The following HARS1 variants were observed in gnomAD, a reference collection of about 807,000 sequenced individuals.
The protein encoded by HARS1 is histidine--tRNA ligase, cytoplasmic.
A neutral mutation model predicts 63.6 loss-of-function variants in HARS1; 45 were observed. The observed-to-expected ratio is 0.71, with a 90% CI of 0.56 to 0.91. The LOEUF (loss-of-function observed/expected upper bound fraction) is 0.91, where lower values mean the gene tolerates loss of function less well. HARS1 is among the 40% of genes least tolerant of loss of function. The pLI is 0.00. For missense variants in HARS1, 508 were observed against 643.2 expected, an observed-to-expected ratio of 0.79 and a Z score of 2.27; for synonymous variants, 205 against 247.1, an observed-to-expected ratio of 0.83 and a Z score of 1.60.
In HARS1 at chr5:140,676,854, T is replaced by C. The variant is rs1204082121; in HGVS notation, c.994A>G (p.Thr332Ala). 1.9e-6 allele frequency: 3 copies of C among 1,613,980 alleles called. No homozygotes were observed. The highest frequency in any genetic ancestry group is 2.5e-6 in the Non-Finnish European group (3 of 1,179,968). ...AGCACTGCCTCATAGATCACCCCAGTGTAGTAATCCAGCCCTCGAGCAAGG... is the reference window on the plus strand; with the variant it reads ...AGCACTGCCTCATAGATCACCCCAGCGTAGTAATCCAGCCCTCGAGCAAGG... ...LSLARGLDYY[T>A]GVIYEAVLLQ... Residue 332 changes from threonine (T) to alanine (A), a missense_variant, in exon 10 of 13, where the codon ACT (threonine) becomes GCT (alanine). Coordinates refer to ENST00000504156, the MANE Select transcript of HARS1 (RefSeq NM_002109.6). This position sits in a 1 kb window ranked among gnomAD's most constrained non-coding sequence, Gnocchi z 4.1.
intron 3 of HARS1, among the ~76,000 whole-genome samples, chr5:140,680,383 G>C (rs1215647955): frequency 6.6e-6 from 1 of 151,898 alleles, no homozygotes; most frequent in Non-Finnish European, 1.5e-5. Flanking sequence ...TTGACCTCGT[G>C]ATCTGCCCGC....
At position 140,676,882 on chromosome 5, in the gene HARS1, CA is replaced by C. The variant is rs774824253; in HGVS notation, c.965del (p.Leu322ArgfsTer13). ...AGTAATCCAGCCCTCGAGCAAGGCT[CA>C]GGTCAAAGGAGATCTGTGGAGATAA... ...FGIDDKISFD[L>X]SLARGLDYYT... On this transcript the variant is annotated frameshift_variant, in exon 10 of 13. Transcript: ENST00000504156. LOFTEE classifies it high-confidence loss of function. This position sits in a 1 kb window ranked among gnomAD's most constrained non-coding sequence, Gnocchi z 4.1. The C allele has an allele frequency of 1.4e-5, 23 of 1,613,652 alleles. No homozygotes were observed. Among genetic ancestry groups the C allele is most frequent in the Non-Finnish European group, 1.7e-5 (20 of 1,179,700 alleles).
rs994524865 is a variant in HARS1, at chr5:140,679,616, C to G, written c.396+172G>C. 11 of 523,868 alleles carry G rather than the reference C, an allele frequency of 2.1e-5. No homozygotes were observed. The highest frequency in any genetic ancestry group is 1.8e-4 in the African/African-American group (9 of 50,726). 32.5% of individuals were successfully genotyped at this position (523,868 alleles called of 1,614,324 possible). On this transcript the variant is annotated intron_variant, in intron 4 of 12. Coordinates refer to ENST00000504156, the MANE Select transcript of HARS1 (RefSeq NM_002109.6). The surrounding 1 kb of genome is among the most constrained non-coding windows in gnomAD (Gnocchi z 4.3). Reference sequence around the variant, plus strand: ...GTCTCACTCAGGATTCAGAAGATTTCTAAGGATGTGTATGCTCTGTTTAGC... The same window carrying G: ...GTCTCACTCAGGATTCAGAAGATTTGTAAGGATGTGTATGCTCTGTTTAGC...
Position 140,674,324 on chromosome 5 carries a change from T to A in HARS1, c.1463A>T (p.Asp488Val), listed in dbSNP as rs749788434. ...CTCCACAAGGTCTTCTCTTCGGACA[T>A]CCACCTGGCCAGGATGGGAGAAGAA... ...LRSVTSREEV[D>V]VRREDLVEEI... is the part of the protein sequence containing the mutation. Residue 488 changes from aspartate to valine, a missense_variant, in exon 13 of 13, where the codon GAT becomes GTT. By Grantham distance (152) the Asp-to-Val change is radical. Around this residue, in one of 2 missense-constraint regions of HARS1, gnomAD observed 403 missense variants for 548.7 expected, o/e 0.73. Transcript: ENST00000504156. 4 of 1,608,904 alleles carry A rather than the reference T, an allele frequency of 2.5e-6. No individual in the cohort carries two copies. In the South Asian group the frequency reaches 4.4e-5, roughly 18 times the overall value.
chr5:140,675,294 G>A, intron 10 of HARS1, 161 bp from the exon 11 acceptor site: 4 of 618,562 alleles, frequency 6.5e-6, no homozygotes, highest in Admixed American at 2.9e-5. Context: ...GCTTTTAGTA[G>A]ATATGAGGAC....
intron 7 of HARS1, 40 bp downstream of exon 7, chr5:140,677,615 G>A (rs139555499): frequency 4.8e-4 from 644 of 1,340,444 alleles, no homozygotes; most frequent in Non-Finnish European, 6.2e-4. Flanking sequence ...CCAAGGCAGG[G>A]TGGGATCTGG....
chr5:140,679,084 A>ATGT lies in HARS1; in HGVS notation c.437_439dup (p.Asn146dup), dbSNP rs755088410. On this transcript the variant is annotated inframe_insertion, in exon 5 of 13. Transcript: ENST00000504156. This position sits in a 1 kb window ranked among gnomAD's most constrained non-coding sequence, Gnocchi z 4.3. ...TACCTTTGCTATGTGGTAGCGTTTA[A>ATGT]TGTTGGTCAGTTTATTCATTGCCAA... The ATGT allele has an allele frequency of 5.0e-6, 8 of 1,613,964 alleles. No homozygotes were observed. The African/African-American group carries it at 1.1e-4, about 22-fold the overall frequency.
Position 140,679,592 on chromosome 5 carries a change from T to A in HARS1, c.396+196A>T, listed in dbSNP as rs1271227089. ...ACTGGGCCCTGACATCAAGCTGAGG[T>A]CTCACTCAGGATTCAGAAGATTTCT... On this transcript the variant is annotated intron_variant, in intron 4 of 12. Transcript: ENST00000504156. This position sits in a 1 kb window ranked among gnomAD's most constrained non-coding sequence, Gnocchi z 4.3. 9.9e-6 allele frequency: 5 copies of A among 505,910 alleles called. No individual in the cohort carries two copies. The highest frequency in any genetic ancestry group is 1.7e-5 in the Non-Finnish European group (5 of 286,914). The allele number at this position is 505,910 out of a possible 1,614,324, so 31.3% of individuals were successfully genotyped here.
chr5:140,686,454 G>T (rs1759036560), intron 2 of HARS1, among the ~76,000 whole-genome samples: 1 of 152,098 alleles, frequency 6.6e-6, no homozygotes, highest in African/African-American at 2.4e-5. Context: ...GGCTAGGCTG[G>T]TCTCAAACTC....
Position 140,677,949 on chromosome 5 carries a change from C to G in HARS1, c.589G>C (p.Glu197Gln), listed in dbSNP as rs747711899. Reference sequence around the variant, plus strand: ...CCTATCTGAAGTGAACTCAGGATCTCGCACATGATCTTCAGGCACTCTGCA... The same window carrying G: ...CCTATCTGAAGTGAACTCAGGATCTGGCACATGATCTTCAGGCACTCTGCA... ...PDAECLKIMC[E>Q]ILSSLQIGDF... The change falls in exon 6 of 13, where the codon GAG (glutamate) becomes CAG (glutamine). Residue 197 changes from glutamate (E) to glutamine (Q), a missense_variant. Physicochemically the swap from Glu to Gln is conservative, Grantham distance 29. Around this residue, in one of 2 missense-constraint regions of HARS1, gnomAD observed 403 missense variants for 548.7 expected, o/e 0.73. Transcript: ENST00000504156. 5.0e-6 allele frequency: 8 copies of G among 1,612,464 alleles called. No individual in the cohort carries two copies. The highest frequency in any genetic ancestry group is 1.7e-5 in the Admixed American group (1 of 59,966).
In HARS1 at chr5:140,679,679, A is replaced by C; in HGVS notation, c.396+109T>G. On this transcript the variant is annotated intron_variant, in intron 4 of 12. Coordinates refer to ENST00000504156, the MANE Select transcript of HARS1 (RefSeq NM_002109.6). This position sits in a 1 kb window ranked among gnomAD's most constrained non-coding sequence, Gnocchi z 4.3. Reference sequence around the variant, plus strand: ...CCTGGTTTAGAGAAATAATTCCCCTAATCGCCAAAGGCCTCATATTTGATC... The same window carrying C: ...CCTGGTTTAGAGAAATAATTCCCCTCATCGCCAAAGGCCTCATATTTGATC... 1 of 574,972 alleles carries C rather than the reference A, an allele frequency of 1.7e-6. No homozygotes were observed. The highest frequency in any genetic ancestry group is 3.0e-5 in the East Asian group (1 of 33,066). 35.6% of individuals were successfully genotyped at this position (574,972 alleles called of 1,614,324 possible). A position where few individuals can be genotyped will look rare whatever the true frequency, so the allele number is the denominator to read the frequency against.
rs1758597221 is a variant in HARS1, at chr5:140,679,598, T to G, written c.396+190A>C. On this transcript the variant is annotated intron_variant, in intron 4 of 12. Transcript: ENST00000504156. The surrounding 1 kb of genome is among the most constrained non-coding windows in gnomAD (Gnocchi z 4.3). ...CCCTGACATCAAGCTGAGGTCTCAC[T>G]CAGGATTCAGAAGATTTCTAAGGAT... is the stretch of plus-strand genomic sequence containing the variant. 9.8e-6 allele frequency: 5 copies of G among 510,056 alleles called. No homozygotes were observed. Among genetic ancestry groups the G allele is most frequent in the Non-Finnish European group, 1.7e-5 (5 of 288,940 alleles). 31.6% of individuals were successfully genotyped at this position (510,056 alleles called of 1,614,324 possible). A position where few individuals can be genotyped will look rare whatever the true frequency, so the allele number is the denominator to read the frequency against.
intron 2 of HARS1, among the ~76,000 whole-genome samples, chr5:140,688,294 A>G (rs1759166971): frequency 6.6e-6 from 1 of 152,230 alleles, no homozygotes; most frequent in Non-Finnish European, 1.5e-5. Context: ...TCAAAGACAC[A>G]ATATAGAGAA....
At chr5:140,686,077 G>A (rs1759009741) in intron 2 of HARS1, among the ~76,000 whole-genome samples, 1 of 149,758 alleles carries the variant, frequency 6.7e-6, no homozygotes, top group Non-Finnish European at 1.5e-5. Flanking sequence ...CTACATACAG[G>A]CGCGTGCCAC....
intron 2 of HARS1, chr5:140,683,649 T>C (rs933740792): frequency 1.2e-5 from 2 of 170,028 alleles, no homozygotes; most frequent in African/African-American, 2.4e-5. Context: ...CTGGCCAACA[T>C]GGTGAAACCT....
Position 140,679,067 on chromosome 5 carries a change from C to A in HARS1, c.457G>T (p.Ala153Ser), listed in dbSNP as rs746887565. Residue 153 changes from alanine (A) to serine (S), a missense_variant, in exon 5 of 13, where the codon GCA (alanine) becomes TCA (serine). Ala to Ser is a moderately conservative substitution (Grantham distance 99). Coordinates refer to ENST00000504156, the MANE Select transcript of HARS1 (RefSeq NM_002109.6). This position sits in a 1 kb window ranked among gnomAD's most constrained non-coding sequence, Gnocchi z 4.3. Reference sequence around the variant, plus strand: ...GGGTTATCCCGCCGATATACCTTTGCTATGTGGTAGCGTTTAATGTTGGTC... The same window carrying A: ...GGGTTATCCCGCCGATATACCTTTGATATGTGGTAGCGTTTAATGTTGGTC... Reference protein sequence around the residue: ...KLTNIKRYHIAKVYRRDNPAM... With the variant: ...KLTNIKRYHISKVYRRDNPAM... The A allele has an allele frequency of 6.2e-7, 1 of 1,614,066 alleles. No individual in the cohort carries two copies. The highest frequency in any genetic ancestry group is 8.5e-7 in the Non-Finnish European group (1 of 1,179,902).
Position 140,679,118 on chromosome 5 carries a change from C to T in HARS1, c.406G>A (p.Ala136Thr), listed in dbSNP as rs773377293. Residue 136 changes from alanine (A) to threonine (T), a missense_variant, in exon 5 of 13, where the codon GCT (alanine) becomes ACT (threonine). Ala to Thr is a moderately conservative substitution (Grantham distance 58, BLOSUM62 0). Transcript: ENST00000504156. This position sits in a 1 kb window ranked among gnomAD's most constrained non-coding sequence, Gnocchi z 4.3. ...SLRYDLTVPF[A>T]RYLAMNKLTN... ...AGTTTATTCATTGCCAAATACCGAG[C>T]AAAAGGAACCTGATGACAAAGAGTT... The T allele has an allele frequency of 6.2e-7, 1 of 1,613,942 alleles. No homozygotes were observed. Among genetic ancestry groups the T allele is most frequent in the South Asian group, 1.1e-5 (1 of 91,078 alleles).
intron 2 of HARS1, among the ~76,000 whole-genome samples, chr5:140,686,960 G>C (rs1176006796): frequency 1.3e-5 from 2 of 152,202 alleles, no homozygotes; most frequent in East Asian, 3.8e-4. Flanking sequence ...AGTACTGTCA[G>C]ATGTTTTCCT....
At chr5:140,689,905 A>G (rs1173665926) in intron 2 of HARS1, among the ~76,000 whole-genome samples, 1 of 152,184 alleles carries the variant, frequency 6.6e-6, no homozygotes, top group Non-Finnish European at 1.5e-5. Context: ...ACTCTCCTTA[A>G]CTTAGTTCTA....
Sources: allele counts gnomAD v4.1 joint callset (sites outside exome capture counted in the v4.1 genomes callset), GRCh38; gene constraint gnomAD v4.1.1; regional missense constraint gnomAD v4.1.1; non-coding constraint Gnocchi (gnomAD v3.1); transcripts MANE v1.5; gene names NCBI Gene and HGNC (gene_info 2026-07-23, HGNC 2026-07-21).